Variants in QTGAL observed in about 807,000 individuals in gnomAD.
The protein encoded by QTGAL is BGnT-like protein 1.
chr17:82,990,367 C>G, the QTGAL span, among the ~76,000 whole-genome samples: 2 of 152,234 alleles, frequency 1.3e-5, no homozygotes, highest in Non-Finnish European at 2.9e-5. Flanking sequence ...AACGCCAACG[C>G]AGGCAGTGTC....
At chr17:83,039,136 C>G in the QTGAL span, among the ~76,000 whole-genome samples, 2 of 152,176 alleles carry the variant, frequency 1.3e-5, no homozygotes, top group East Asian at 3.9e-4. Context: ...CAGGGCAGAA[C>G]AGGCACTCAC....
At chr17:83,013,956 G>A in the QTGAL span, among the ~76,000 whole-genome samples, 1 of 152,124 alleles carries the variant, frequency 6.6e-6, no homozygotes. Flanking sequence ...CACCATCTGC[G>A]GTGGGGGATG....
chr17:83,051,125 C>T, the QTGAL span, among the ~76,000 whole-genome samples: 1 of 81,228 alleles, frequency 1.2e-5, no homozygotes, highest in Non-Finnish European at 2.4e-5. Flanking sequence ...GAGTCAGGAG[C>T]GCGGGGCACG....
At chr17:82,942,441 T>G in the QTGAL span, 72 of 1,613,780 alleles carry the variant, frequency 4.5e-5, 1 homozygote, top group South Asian at 7.8e-4. Flanking sequence ...GTCTTGTCTC[T>G]TCTTCAGCCT....
chr17:82,983,914 A>C, the QTGAL span, among the ~76,000 whole-genome samples: 1 of 152,230 alleles, frequency 6.6e-6, no homozygotes, highest in Non-Finnish European at 1.5e-5. Flanking sequence ...TGTCCTTATA[A>C]GAAGAGGAAG....
At chr17:83,035,125 C>T in the QTGAL span, 2 of 1,588,140 alleles carry the variant, frequency 1.3e-6, no homozygotes, top group Non-Finnish European at 1.7e-6. Context: ...GAGCAAAACT[C>T]TTTTATAATT....
the QTGAL span, among the ~76,000 whole-genome samples, chr17:83,027,432 C>T: frequency 6.6e-6 from 1 of 152,226 alleles, no homozygotes; most frequent in East Asian, 1.9e-4. Flanking sequence ...CAGAAAAACA[C>T]AACTTCTCCT....
the QTGAL span, among the ~76,000 whole-genome samples, chr17:82,976,979 A>C: frequency 6.6e-6 from 1 of 152,040 alleles, no homozygotes; most frequent in South Asian, 2.1e-4. Flanking sequence ...CCATCCTCCC[A>C]GGGGCCGGAG....
chr17:82,962,578 T>C, the QTGAL span, among the ~76,000 whole-genome samples: 2,748 of 52,172 alleles, frequency 0.053, 27 homozygotes, highest in African/African-American at 0.064. Context: ...TGGAGGTTCC[T>C]GTGGGTGCTG....
At chr17:83,038,049 C>T in the QTGAL span, among the ~76,000 whole-genome samples, 1 of 152,002 alleles carries the variant, frequency 6.6e-6, no homozygotes, top group Non-Finnish European at 1.5e-5. Context: ...CAAGCGGCGA[C>T]GTTATTAGGA....
the QTGAL span, chr17:83,006,239 T>G: frequency 1.0e-6 from 1 of 985,586 alleles, no homozygotes; most frequent in African/African-American, 1.7e-5. The surrounding 1 kb of genome is among the most constrained non-coding windows in gnomAD (Gnocchi z 5.8). Context: ...AGCGATGAAG[T>G]CACACCGAGG....
At chr17:83,050,396 A>T in the QTGAL span, among the ~76,000 whole-genome samples, 1 of 150,508 alleles carries the variant, frequency 6.6e-6, no homozygotes, top group African/African-American at 2.5e-5. Context: ...AAAAAAAAAT[A>T]AAACGAGTTC....
chr17:83,030,691 C>T, the QTGAL span: 2 of 152,454 alleles, frequency 1.3e-5, no homozygotes, highest in African/African-American at 2.4e-5. Context: ...TTGGGCCGTC[C>T]CCGTCTGCAG....
the QTGAL span, among the ~76,000 whole-genome samples, chr17:82,968,579 G>GATGTC: frequency 6.6e-6 from 1 of 152,220 alleles, no homozygotes; most frequent in Non-Finnish European, 1.5e-5. Flanking sequence ...AGTGTGCACA[G>GATGTC]TGTGACCCCA....
At chr17:82,956,827 C>A in the QTGAL span, 5 of 1,536,442 alleles carry the variant, frequency 3.3e-6, no homozygotes, top group Non-Finnish European at 4.4e-6. The surrounding 1 kb of genome is among the most constrained non-coding windows in gnomAD (Gnocchi z 5.7). Flanking sequence ...CCCGGAGAGA[C>A]GCCCTCAGGG....
the QTGAL span, among the ~76,000 whole-genome samples, chr17:83,013,072 A>C: frequency 6.6e-6 from 1 of 152,180 alleles, no homozygotes; most frequent in Non-Finnish European, 1.5e-5. Flanking sequence ...GCTACGGAGA[A>C]ACATTCAGAC....
the QTGAL span, among the ~76,000 whole-genome samples, chr17:82,952,338 G>T: frequency 1.3e-5 from 2 of 152,114 alleles, no homozygotes; most frequent in African/African-American, 4.8e-5. Context: ...TTGGGGCCTG[G>T]CTCACTCTAT....
At chr17:82,998,256 C>T in the QTGAL span, among the ~76,000 whole-genome samples, 1 of 151,780 alleles carries the variant, frequency 6.6e-6, no homozygotes, top group Non-Finnish European at 1.5e-5. Context: ...ACTATGTACC[C>T]ACAATAATTT....
At chr17:83,006,000 G>A in the QTGAL span, 4 of 1,077,628 alleles carry the variant, frequency 3.7e-6, no homozygotes, top group Admixed American at 2.1e-4. The surrounding 1 kb of genome is among the most constrained non-coding windows in gnomAD (Gnocchi z 5.6). Context: ...GGAGGAGCTG[G>A]CTGGAGAGAG....
Sources: gnomAD v4.1 joint callset for allele counts (sites outside exome capture counted in the v4.1 genomes callset) on GRCh38, gnomAD v4.1.1 for gene constraint, Gnocchi (gnomAD v3.1) non-coding constraint, MANE v1.5 for transcripts, NCBI Gene and HGNC (gene_info 2026-07-23, HGNC 2026-07-21) for gene names.